ZNF586: variants seen among roughly 807,000 people sequenced by gnomAD.
ZNF586 encodes the protein zinc finger protein 586.
Under a neutral mutation model 6.7 loss-of-function variants are expected in ZNF586, and 7 were observed. The observed-to-expected ratio is 1.04, with a 90% CI of 0.59 to 1.95. ZNF586 has a LOEUF of 1.95. ZNF586 is among the 30% of genes most tolerant of loss of function. The pLI is 0.00. For missense variants in ZNF586, 442 were observed against 489.6 expected (o/e 0.90, Z 0.92); for synonymous variants, 166 against 168.7 (o/e 0.98, Z 0.12).
intron 1 of ZNF586, among the ~76,000 whole-genome samples, chr19:57,771,362 C>T (rs768998731): frequency 6.6e-6 from 1 of 151,390 alleles, no homozygotes; most frequent in Non-Finnish European, 1.5e-5. Context: ...AGGCTAGTCT[C>T]GAACCCTTGG....
chr19:57,779,843 G>T lies in ZNF586; in HGVS notation c.*47G>T. ...TGCCCAGGCTTTTTGCTCCTTCAAG[G>T]CCAGAGAGTTCACACCAGATCAAGG... On this transcript the variant is annotated 3_prime_UTR_variant, in exon 3 of 3. Coordinates refer to ENST00000396154, the MANE Select transcript of ZNF586 (RefSeq NM_017652.4). 2 of 1,488,818 alleles carry T rather than the reference G, an allele frequency of 1.3e-6. No individual in the cohort carries two copies. The highest frequency in any genetic ancestry group is 1.3e-5 in the South Asian group (1 of 76,542). 92.2% of individuals were successfully genotyped at this position (1,488,818 alleles called of 1,614,324 possible). A position where few individuals can be genotyped will look rare whatever the true frequency, so the allele number is the denominator to read the frequency against.
At chr19:57,771,298 CTG>C (rs1446770704) in intron 1 of ZNF586, among the ~76,000 whole-genome samples, 1 of 87,434 alleles carries the variant, frequency 1.1e-5, no homozygotes, top group Non-Finnish European at 2.1e-5. Flanking sequence ...AAGACTCCGT[CTG>C]AAAAAAAAAA....
At chr19:57,774,845 G>C (rs1987188110) in intron 1 of ZNF586, 1 of 678,824 alleles carries the variant, frequency 1.5e-6, no homozygotes, top group Non-Finnish European at 1.8e-6. Context: ...TTCATGTCTG[G>C]TGATACCAGT....
intron 2 of ZNF586, among the ~76,000 whole-genome samples, chr19:57,777,819 G>A (rs191767960): frequency 1.2e-3 from 158 of 133,680 alleles, no homozygotes; most frequent in Non-Finnish European, 1.7e-3. Context: ...GCAATAGTGC[G>A]ATCTCGGCTC....
At position 57,779,891 on chromosome 19, in the gene ZNF586, G is replaced by A. The variant is rs943356174; in HGVS notation, c.*95G>A. On this transcript the variant is annotated 3_prime_UTR_variant, in exon 3 of 3. Coordinates refer to ENST00000396154, the MANE Select transcript of ZNF586 (RefSeq NM_017652.4). Reference sequence around the variant, plus strand: ...AGGTGTTATGAGTGTGACAAATGGGGAATATTCTTTAGCTAGAATGCTAGC... The same window carrying A: ...AGGTGTTATGAGTGTGACAAATGGGAAATATTCTTTAGCTAGAATGCTAGC... 60 of 1,093,026 alleles carry A rather than the reference G, an allele frequency of 5.5e-5. No homozygotes were observed. The highest frequency in any genetic ancestry group is 7.6e-5 in the Non-Finnish European group (58 of 759,892). The allele number at this position is 1,093,026 out of a possible 1,614,324, so 67.7% of individuals were successfully genotyped here.
At chr19:57,772,087 G>T (rs561253180) in intron 1 of ZNF586, among the ~76,000 whole-genome samples, 1 of 152,298 alleles carries the variant, frequency 6.6e-6, no homozygotes, top group African/African-American at 2.4e-5. Flanking sequence ...CTCCCAAAGT[G>T]CTGGGATTAC....
chr19:57,773,402 CTTT>C (rs35585717), intron 1 of ZNF586, among the ~76,000 whole-genome samples: 25 of 92,786 alleles, frequency 2.7e-4, no homozygotes, highest in East Asian at 1.0e-3. Context: ...TCTTCTTCTT[CTTT>C]TTTTTTTTTT....
intron 2 of ZNF586, among the ~76,000 whole-genome samples, chr19:57,777,261 A>G (rs902592516): frequency 1.3e-5 from 2 of 152,160 alleles, no homozygotes; most frequent in South Asian, 2.1e-4. Context: ...TTCCTGTGGA[A>G]TATCAAATGC....
At chr19:57,769,903 T>TTGGCCCCCCC (rs1987046953) in intron 1 of ZNF586, 25 bp downstream of exon 1, 12 of 1,475,760 alleles carry the variant, frequency 8.1e-6, no homozygotes, top group Non-Finnish European at 1.0e-5. Context: ...CTCCGGGCCT[T>TTGGCCCCCCC]ACCCACCCTA....
At chr19:57,776,699 A>G in intron 2 of ZNF586, 30 bp downstream of exon 2, 1 of 1,569,118 alleles carries the variant, frequency 6.4e-7, no homozygotes. Context: ...CTGTGACCTG[A>G]GTTAGTCTGT....
In ZNF586 at chr19:57,769,824, T is replaced by TCC. The variant is rs74911211; in HGVS notation, c.-12_-11dup. On this transcript the variant is annotated 5_prime_UTR_variant, in exon 1 of 3. Coordinates refer to ENST00000396154, the MANE Select transcript of ZNF586 (RefSeq NM_017652.4). Reference sequence around the variant, plus strand: ...GACAGGAACACCGCCGAGCCCGCGTTCCCCCCCCGCCCAGAGTCATGGCGG... The same window carrying TCC: ...GACAGGAACACCGCCGAGCCCGCGTTCCCCCCCCCCGCCCAGAGTCATGGCGG... 1.2e-4 allele frequency: 182 copies of TCC among 1,521,528 alleles called. 1 individual carries two copies. The Middle Eastern group carries it at 3.1e-3, about 26-fold the overall frequency. 94.3% of individuals were successfully genotyped at this position (1,521,528 alleles called of 1,614,324 possible).
intron 2 of ZNF586, among the ~76,000 whole-genome samples, chr19:57,778,197 G>A (rs1301064652): frequency 4.6e-5 from 7 of 151,242 alleles, no homozygotes; most frequent in South Asian, 2.1e-4. Flanking sequence ...TCAGCCTCCC[G>A]AGTATCTGGT....
At chr19:57,771,300 GAAA>G (rs61324595) in intron 1 of ZNF586, among the ~76,000 whole-genome samples, 40 of 133,792 alleles carry the variant, frequency 3.0e-4, no homozygotes, top group East Asian at 8.8e-4. Context: ...GACTCCGTCT[GAAA>G]AAAAAAAAAA....
chr19:57,780,161 C>T lies in ZNF586; in HGVS notation c.*365C>T, dbSNP rs1987352376. The stretch of plus-strand genomic sequence containing the variant: ...ATACATTCCAGGTATGTGGGAACTG[C>T]ATAGTATTTTTCGACCTGCCCAGGT... On this transcript the variant is annotated 3_prime_UTR_variant, in exon 3 of 3. Coordinates refer to ENST00000396154, the MANE Select transcript of ZNF586 (RefSeq NM_017652.4). The T allele has an allele frequency of 4.6e-6, 1 of 219,592 alleles. No homozygotes were observed. The highest frequency in any genetic ancestry group is 9.1e-6 in the Non-Finnish European group (1 of 110,400). The allele number at this position is 219,592 out of a possible 1,614,324, so 13.6% of individuals were successfully genotyped here. A position where few individuals can be genotyped will look rare whatever the true frequency, so the allele number is the denominator to read the frequency against.
At position 57,780,197 on chromosome 19, in the gene ZNF586, A is replaced by G. The variant is rs572259452; in HGVS notation, c.*401A>G. On this transcript the variant is annotated 3_prime_UTR_variant, in exon 3 of 3. Transcript: ENST00000396154. Reference sequence around the variant, plus strand: ...TCGACCTGCCCAGGTCTCTTGCTAGACTTCTGTGACTTACAGTTCTCTTCT... The same window carrying G: ...TCGACCTGCCCAGGTCTCTTGCTAGGCTTCTGTGACTTACAGTTCTCTTCT... The G allele has an allele frequency of 1.7e-5, 3 of 179,074 alleles. No individual in the cohort carries two copies. Among genetic ancestry groups the G allele is most frequent in the Non-Finnish European group, 2.4e-5 (2 of 84,178 alleles). The allele number at this position is 179,074 out of a possible 1,614,324, so 11.1% of individuals were successfully genotyped here.
Position 57,779,844 on chromosome 19 carries a change from C to A in ZNF586, c.*48C>A. 1 of 1,472,374 alleles carries A rather than the reference C, an allele frequency of 6.8e-7. No individual in the cohort carries two copies. Among genetic ancestry groups the A allele is most frequent in the Non-Finnish European group, 9.2e-7 (1 of 1,084,744 alleles). 91.2% of individuals were successfully genotyped at this position (1,472,374 alleles called of 1,614,324 possible). A position where few individuals can be genotyped will look rare whatever the true frequency, so the allele number is the denominator to read the frequency against. ...GCCCAGGCTTTTTGCTCCTTCAAGG[C>A]CAGAGAGTTCACACCAGATCAAGGT... On this transcript the variant is annotated 3_prime_UTR_variant, in exon 3 of 3. Transcript: ENST00000396154.
At chr19:57,776,305 C>T (rs1443647041) in intron 1 of ZNF586, among the ~76,000 whole-genome samples, 1 of 152,124 alleles carries the variant, frequency 6.6e-6, no homozygotes, top group Admixed American at 6.5e-5. Context: ...GGATGGAACC[C>T]TTTATTTCAG....
chr19:57,778,047 C>T (rs1048054865), intron 2 of ZNF586, among the ~76,000 whole-genome samples: 19 of 150,402 alleles, frequency 1.3e-4, no homozygotes, highest in Non-Finnish European at 2.4e-4. Context: ...TGAGCCACCG[C>T]GCCCAGCCTC....
chr19:57,773,251 C>T (rs1262010178), intron 1 of ZNF586, among the ~76,000 whole-genome samples: 3 of 152,036 alleles, frequency 2.0e-5, no homozygotes, highest in Non-Finnish European at 4.4e-5. Context: ...ATTTGGAAGG[C>T]ACAACCTTCA....
Sources: allele counts gnomAD v4.1 joint callset (sites outside exome capture counted in the v4.1 genomes callset), GRCh38; gene constraint gnomAD v4.1.1; transcripts MANE v1.5; gene names NCBI Gene and HGNC (gene_info 2026-07-23, HGNC 2026-07-21).